The following GPATCH8 variants were observed in gnomAD, a reference collection of about 807,000 sequenced individuals.
GPATCH8 encodes G-patch domain containing 8.
In GPATCH8, 18 loss-of-function variants were observed where a neutral mutation model predicts 118.3. That is an observed-to-expected ratio of 0.15 (90% confidence interval 0.11 to 0.23). The LOEUF is 0.23. GPATCH8 is among the 10% of genes least tolerant of loss of function. The pLI is 1.00. For synonymous variants in GPATCH8, 659 were observed against 684.7 expected (o/e 0.96, Z 0.59); for missense variants, 1,631 against 1,873.8 (o/e 0.87, Z 2.39).
chr17:44,486,268 T>A (rs571339219), intron 1 of GPATCH8: 2 of 152,316 alleles, frequency 1.3e-5, no homozygotes, highest in African/African-American at 4.8e-5. Flanking sequence ...TTTTCTTTTC[T>A]TTCTTTTCTT....
chr17:44,405,230 C>T (rs1352324732), intron 7 of GPATCH8, among the ~76,000 whole-genome samples: 4 of 140,200 alleles, frequency 2.9e-5, no homozygotes, highest in East Asian at 2.0e-4. Flanking sequence ...TTTTTTGAGA[C>T]GGAGTTTCAC....
chr17:44,433,672 G>C (rs2050397590), intron 5 of GPATCH8, among the ~76,000 whole-genome samples: 1 of 152,124 alleles, frequency 6.6e-6, no homozygotes, highest in African/African-American at 2.4e-5. Flanking sequence ...AAAGAATGTA[G>C]CCAGAAAAAG....
rs2048818904 is a variant in GPATCH8, at chr17:44,397,505, C to T, written c.*63G>A. On this transcript the variant is annotated 3_prime_UTR_variant, in exon 8 of 8. Transcript: ENST00000591680. ...CTACTTGCTGGTATTAATGGCTCAA[C>T]ACCCCCAAGGGAACATTTATGGGTC... 5 of 1,139,778 alleles carry T rather than the reference C, an allele frequency of 4.4e-6. No individual in the cohort carries two copies. Among genetic ancestry groups the T allele is most frequent in the East Asian group, 2.3e-5 (1 of 42,570 alleles). The allele number at this position is 1,139,778 out of a possible 1,614,324, so 70.6% of individuals were successfully genotyped here. A position where few individuals can be genotyped will look rare whatever the true frequency, so the allele number is the denominator to read the frequency against.
chr17:44,395,996 C>T lies in GPATCH8; in HGVS notation c.*1572G>A, dbSNP rs1366037113. On this transcript the variant is annotated 3_prime_UTR_variant, in exon 8 of 8. Transcript: ENST00000591680. ...GTCATGGGAGAAAAGAAACAAGGAA[C>T]GTTTACTGTCTAAACTGAGCTGGGC... is the stretch of plus-strand genomic sequence containing the variant. 2 of 454,350 alleles carry T rather than the reference C, an allele frequency of 4.4e-6. No individual in the cohort carries two copies. Among genetic ancestry groups the T allele is most frequent in the African/African-American group, 2.0e-5 (1 of 49,960 alleles). 28.1% of individuals were successfully genotyped at this position (454,350 alleles called of 1,614,324 possible).
intron 3 of GPATCH8, among the ~76,000 whole-genome samples, chr17:44,454,780 G>C (rs2051263817): frequency 6.6e-6 from 1 of 152,060 alleles, no homozygotes; most frequent in African/African-American, 2.4e-5. Context: ...TGCCAATTCT[G>C]ACTAATCTTG....
At chr17:44,451,038 C>T (rs544172841) in intron 3 of GPATCH8, among the ~76,000 whole-genome samples, 3 of 152,232 alleles carry the variant, frequency 2.0e-5, no homozygotes, top group East Asian at 3.9e-4. Flanking sequence ...ATTTGTTTCC[C>T]TATTAGAAAT....
At chr17:44,481,774 T>C (rs2144412183) in intron 1 of GPATCH8, among the ~76,000 whole-genome samples, 1 of 152,342 alleles carries the variant, frequency 6.6e-6, no homozygotes, top group African/African-American at 2.4e-5. Flanking sequence ...ATTAAAATCC[T>C]GTTCCATAGG....
In GPATCH8 at chr17:44,400,337, C is replaced by T. The variant is rs768160361; in HGVS notation, c.1740G>A (p.Arg580=). The change falls in exon 8 of 8, where the codon AGG becomes AGA. Residue 580 remains arginine, a synonymous_variant. Coordinates refer to ENST00000591680, the MANE Select transcript of GPATCH8 (RefSeq NM_001002909.4). The part of the protein sequence containing the change: ...NPLYFDFKLS[R]NKDARTKGTE... ...TTCCTTTAGTTCTGGCATCTTTGTT[C>T]CTTGAAAGTTTAAAGTCAAAATATA... 8.1e-6 allele frequency: 13 copies of T among 1,613,938 alleles called. No homozygotes were observed. The African/African-American group carries it at 1.5e-4, about 18-fold the overall frequency.
chr17:44,398,997 C>A lies in GPATCH8; in HGVS notation c.3080G>T (p.Arg1027Leu), dbSNP rs774487770. ...ERHSGRRDFI[R>L]SKIYRSQSPH... ...GGACTGGGAGCGGTAGATCTTAGAA[C>A]GAATGAAGTCCCGACGCCCAGAATG... The change falls in exon 8 of 8, where the codon CGT becomes CTT. Residue 1027 changes from arginine to leucine, a missense_variant. Transcript: ENST00000591680. The A allele has an allele frequency of 6.2e-7, 1 of 1,614,044 alleles. No homozygotes were observed.
At position 44,398,372 on chromosome 17, in the gene GPATCH8, C is replaced by T. The variant is rs947203747; in HGVS notation, c.3705G>A (p.Gly1235=). The change falls in exon 8 of 8, where the codon GGG becomes GGA. Residue 1235 remains glycine (G), a synonymous_variant. Coordinates refer to ENST00000591680, the MANE Select transcript of GPATCH8 (RefSeq NM_001002909.4). ...GGTAGTTATGGGAGATGGTTGGGTCCCCAGGGTAGCAGTCAGAATGTGCTG... is the reference window on the plus strand; with the variant it reads ...GGTAGTTATGGGAGATGGTTGGGTCTCCAGGGTAGCAGTCAGAATGTGCTG... ...GTPAHSDCYP[G]DPTISHNYLP... The T allele has an allele frequency of 1.5e-5, 25 of 1,613,886 alleles. No homozygotes were observed. The highest frequency in any genetic ancestry group is 9.3e-6 in the Non-Finnish European group (11 of 1,179,980).
chr17:44,430,239 C>A (rs2050256774), intron 5 of GPATCH8, among the ~76,000 whole-genome samples: 1 of 152,150 alleles, frequency 6.6e-6, no homozygotes, highest in Non-Finnish European at 1.5e-5. Context: ...AAACTACAGA[C>A]TAATATCTTT....
At chr17:44,482,668 G>GC (rs994731915) in intron 1 of GPATCH8, among the ~76,000 whole-genome samples, 4 of 151,000 alleles carry the variant, frequency 2.6e-5, no homozygotes, top group Non-Finnish European at 5.9e-5. Context: ...CAACAAACCT[G>GC]CATGTTTTGC....
intron 3 of GPATCH8, among the ~76,000 whole-genome samples, chr17:44,462,754 G>A (rs917051717): frequency 1.3e-5 from 2 of 151,998 alleles, no homozygotes; most frequent in Non-Finnish European, 2.9e-5. Flanking sequence ...AGGCCGAGGC[G>A]GGCGGATCAC....
chr17:44,397,341 G>C lies in GPATCH8; in HGVS notation c.*227C>G. On this transcript the variant is annotated 3_prime_UTR_variant, in exon 8 of 8. Coordinates refer to ENST00000591680, the MANE Select transcript of GPATCH8 (RefSeq NM_001002909.4). ...TGGTGTTCCCTAGCTTAGAAACACA[G>C]AAGAGGGAGGGACAAATTGAGAGGA... The C allele has an allele frequency of 1.5e-6, 1 of 676,574 alleles. No individual in the cohort carries two copies. Among genetic ancestry groups the C allele is most frequent in the Non-Finnish European group, 2.7e-6 (1 of 369,506 alleles). 41.9% of individuals were successfully genotyped at this position (676,574 alleles called of 1,614,324 possible). A position where few individuals can be genotyped will look rare whatever the true frequency, so the allele number is the denominator to read the frequency against.
At position 44,503,386 on chromosome 17, in the gene GPATCH8, CCT is replaced by C; in HGVS notation, c.-18_-17del. 1 of 1,601,604 alleles carries C rather than the reference CCT, an allele frequency of 6.2e-7. No homozygotes were observed. The highest frequency in any genetic ancestry group is 8.5e-7 in the Non-Finnish European group (1 of 1,173,688). Reference sequence around the variant, plus strand: ...GGTCCGCCATTTTGCCGCCTTCACTCCTCTCAGGACGACGCTCTCCGGTTCGC... The same window carrying C: ...GGTCCGCCATTTTGCCGCCTTCACTCCTCAGGACGACGCTCTCCGGTTCGC... On this transcript the variant is annotated 5_prime_UTR_variant, in exon 1 of 8. Transcript: ENST00000591680.
At chr17:44,428,500 A>C (rs2050171566) in intron 5 of GPATCH8, among the ~76,000 whole-genome samples, 1 of 150,072 alleles carries the variant, frequency 6.7e-6, no homozygotes, top group African/African-American at 2.5e-5. Flanking sequence ...CTCAATTAAA[A>C]AAAAAAAAAG....
In GPATCH8 at chr17:44,399,720, T is replaced by C. The variant is rs779565700; in HGVS notation, c.2357A>G (p.His786Arg). Reference sequence around the variant, plus strand: ...GGATGAAGGTGGAAGTTCACCTTTGTGTTTCCTCCCACCATGGTCTTGGGA... The same window carrying C: ...GGATGAAGGTGGAAGTTCACCTTTGCGTTTCCTCCCACCATGGTCTTGGGA... Reference protein sequence around the residue: ...SSSQDHGGRKHKGELPPSSCQ... With the variant: ...SSSQDHGGRKRKGELPPSSCQ... Residue 786 changes from histidine (H) to arginine (R), a missense_variant, in exon 8 of 8, where the codon CAC (histidine) becomes CGC (arginine). Around this residue, in one of 8 missense-constraint regions of GPATCH8, gnomAD observed 922 missense variants for 879.7 expected, o/e 1.05. Coordinates refer to ENST00000591680, the MANE Select transcript of GPATCH8 (RefSeq NM_001002909.4). 3 of 1,614,136 alleles carry C rather than the reference T, an allele frequency of 1.9e-6. No homozygotes were observed. In the South Asian group the frequency reaches 3.3e-5, roughly 18 times the overall value.
intron 7 of GPATCH8, among the ~76,000 whole-genome samples, chr17:44,403,651 C>T (rs1405348228): frequency 2.0e-5 from 3 of 152,006 alleles, no homozygotes; most frequent in Non-Finnish European, 4.4e-5. Context: ...CAGCTTTCCT[C>T]AACTCAGGGA....
In GPATCH8 at chr17:44,421,026, A is replaced by G. The variant is rs533258654; in HGVS notation, c.492+3323T>C. Among the ~76,000 whole-genome samples, 440 of 151,724 alleles carry G rather than the reference A, an allele frequency of 2.9e-3. 1 individual carries two copies. Among genetic ancestry groups the G allele is most frequent in the Non-Finnish European group, 5.5e-3 (373 of 67,880 alleles). On this transcript the variant is annotated intron_variant, in intron 6 of 7. Coordinates refer to ENST00000591680, the MANE Select transcript of GPATCH8 (RefSeq NM_001002909.4). ...CCACCACGCCTGGCTAATTTTTTTTATTTTTAGTAGAGACGGGGTTTCACC... is the reference window on the plus strand; with the variant it reads ...CCACCACGCCTGGCTAATTTTTTTTGTTTTTAGTAGAGACGGGGTTTCACC...
Sources: gnomAD v4.1 joint callset for allele counts (sites outside exome capture counted in the v4.1 genomes callset) on GRCh38, gnomAD v4.1.1 for gene constraint, gnomAD v4.1.1 regional missense constraint, MANE v1.5 for transcripts, NCBI Gene and HGNC (gene_info 2026-07-23, HGNC 2026-07-21) for gene names.